Variants in RBFOX1 observed in about 807,000 individuals in gnomAD.
RBFOX1 encodes the protein RNA binding protein fox-1 homolog 1.
Under a neutral mutation model 57.7 loss-of-function variants are expected in RBFOX1, and 8 were observed. The ratio of observed to expected loss-of-function variants is 0.14; its 90% CI spans 0.08 to 0.25. RBFOX1 has a LOEUF of 0.25. Among genes scored for constraint, RBFOX1 ranks in the 10% least tolerant of loss-of-function variants. The pLI, the probability that RBFOX1 is intolerant of heterozygous loss-of-function variation, is 1.00. For missense variants in RBFOX1, 611 were observed against 548.5 expected (o/e 1.11, Z -1.14); for synonymous variants, 326 against 222.4 (o/e 1.47, Z -4.15).
At chr16:6,047,685 C>T (rs2095509736) in intron 1 of RBFOX1, among the ~76,000 whole-genome samples, 1 of 152,140 alleles carries the variant, frequency 6.6e-6, no homozygotes, top group Non-Finnish European at 1.5e-5. Flanking sequence ...TGATACGGAG[C>T]AGGGGATGCT....
At chr16:6,005,358 A>T (rs1010610110) in intron 4 of RBFOX1, among the ~76,000 whole-genome samples, 3 of 152,196 alleles carry the variant, frequency 2.0e-5, no homozygotes, top group African/African-American at 7.2e-5. Flanking sequence ...CATTCTGCCA[A>T]TGTTTGTTGA....
At chr16:7,304,669 G>A (rs1273720733) in intron 4 of RBFOX1, among the ~76,000 whole-genome samples, 1 of 152,136 alleles carries the variant, frequency 6.6e-6, no homozygotes, top group Non-Finnish European at 1.5e-5. Context: ...GCGCTGAGAT[G>A]TTTCTGCACC....
chr16:5,471,189 C>G (rs1183150346), intron 2 of RBFOX1, among the ~76,000 whole-genome samples: 1 of 152,138 alleles, frequency 6.6e-6, no homozygotes, highest in Non-Finnish European at 1.5e-5. Flanking sequence ...ATCCACACAG[C>G]CCCCAGAGCA....
At chr16:7,192,663 C>T (rs2152649323) in intron 4 of RBFOX1, among the ~76,000 whole-genome samples, 1 of 152,232 alleles carries the variant, frequency 6.6e-6, no homozygotes, top group African/African-American at 2.4e-5. Flanking sequence ...GTTTCGACGT[C>T]AATTTCCTGG....
At chr16:6,994,511 G>T (rs1053821370) in intron 3 of RBFOX1, among the ~76,000 whole-genome samples, 1 of 152,118 alleles carries the variant, frequency 6.6e-6, no homozygotes, top group Non-Finnish European at 1.5e-5. Flanking sequence ...AACAACAAGT[G>T]ACCGATTTTC....
intron 4 of RBFOX1, among the ~76,000 whole-genome samples, chr16:7,426,929 C>T (rs1386414804): frequency 6.6e-6 from 1 of 152,174 alleles, no homozygotes; most frequent in Non-Finnish European, 1.5e-5. Context: ...GAATACTATG[C>T]AGCCATAAAA....
At chr16:5,902,894 A>G (rs1246170635) in intron 4 of RBFOX1, among the ~76,000 whole-genome samples, 1 of 152,138 alleles carries the variant, frequency 6.6e-6, no homozygotes, top group African/African-American at 2.4e-5. Flanking sequence ...CTCTGCCCAC[A>G]TGGACACTTT....
chr16:7,084,075 T>C (rs751394058), intron 4 of RBFOX1, among the ~76,000 whole-genome samples: 11 of 152,116 alleles, frequency 7.2e-5, no homozygotes, highest in Non-Finnish European at 1.3e-4. Flanking sequence ...GGGCTTCTGA[T>C]CAAACGTCTG....
At position 7,029,069 on chromosome 16, in the gene RBFOX1, TATATATATATATACACACACAC is replaced by T. The variant is rs1222789757; in HGVS notation, c.-15-22986_-15-22965del. 2.3e-4 allele frequency among the ~76,000 whole-genome samples: 13 copies of T among 55,602 alleles called. 1 individual carries two copies. The highest frequency in any genetic ancestry group is 1.4e-3 in the African/African-American group (10 of 7,090). 36.5% of individuals were successfully genotyped at this position (55,602 alleles called of 152,430 possible). The stretch of plus-strand genomic sequence containing the variant: ...AGCTATATATATATATATATATATA[TATATATATATATACACACACAC>T]ACACACACACACACACACACACACA... On this transcript the variant is annotated intron_variant, in intron 3 of 15. Coordinates refer to ENST00000550418, the MANE Select transcript of RBFOX1 (RefSeq NM_018723.4).
chr16:7,518,056 G>A (rs1017362371), intron 4 of RBFOX1, 91 bp from the exon 5 acceptor site: 1 of 1,483,218 alleles, frequency 6.7e-7, no homozygotes, highest in Non-Finnish European at 9.1e-7. Flanking sequence ...AAGTACGCGG[G>A]GCACGATCGT....
intron 4 of RBFOX1, among the ~76,000 whole-genome samples, chr16:5,985,564 C>A (rs986464578): frequency 6.6e-6 from 1 of 152,162 alleles, no homozygotes; most frequent in African/African-American, 2.4e-5. Flanking sequence ...GGTTCAAACC[C>A]AGGCAGCCAG....
At chr16:6,461,784 C>T (rs909465045) in intron 2 of RBFOX1, among the ~76,000 whole-genome samples, 1 of 151,976 alleles carries the variant, frequency 6.6e-6, no homozygotes, top group Non-Finnish European at 1.5e-5. Context: ...TTTAAGCTAT[C>T]TTTGTGCTTA....
At chr16:6,669,490 A>G (rs2098751379) in intron 3 of RBFOX1, among the ~76,000 whole-genome samples, 1 of 152,082 alleles carries the variant, frequency 6.6e-6, no homozygotes, top group Admixed American at 6.5e-5. Flanking sequence ...TTTTTTCCAG[A>G]GTGATTGCAG....
intron 4 of RBFOX1, among the ~76,000 whole-genome samples, chr16:5,954,624 C>A (rs1229016633): frequency 1.3e-5 from 2 of 152,086 alleles, no homozygotes; most frequent in Non-Finnish European, 2.9e-5. Context: ...TTTTTCAGCT[C>A]TGGAAACTGT....
intron 1 of RBFOX1, among the ~76,000 whole-genome samples, chr16:6,148,877 A>G (rs1222332677): frequency 6.6e-6 from 1 of 152,152 alleles, no homozygotes; most frequent in East Asian, 1.9e-4. Flanking sequence ...ATCAGGTTTT[A>G]GTATTTCCAC....
At chr16:6,391,062 C>T (rs2092576523) in intron 2 of RBFOX1, among the ~76,000 whole-genome samples, 1 of 152,146 alleles carries the variant, frequency 6.6e-6, no homozygotes, top group Non-Finnish European at 1.5e-5. Context: ...CCAGTTGTGA[C>T]AATAAAAATG....
At chr16:6,533,667 G>A (rs1382274161) in intron 2 of RBFOX1, among the ~76,000 whole-genome samples, 1 of 152,052 alleles carries the variant, frequency 6.6e-6, no homozygotes, top group Admixed American at 6.6e-5. Flanking sequence ...TGGACCTACT[G>A]GATGCTGGAA....
intron 4 of RBFOX1, among the ~76,000 whole-genome samples, chr16:7,269,863 C>T (rs1189795669): frequency 3.3e-5 from 5 of 152,210 alleles, no homozygotes; most frequent in African/African-American, 1.2e-4. Flanking sequence ...TGTGCCCCTG[C>T]ACATCCCATA....
intron 11 of RBFOX1, among the ~76,000 whole-genome samples, chr16:7,636,515 G>T (rs1187694772): frequency 6.6e-6 from 1 of 152,208 alleles, no homozygotes; most frequent in Non-Finnish European, 1.5e-5. Flanking sequence ...TTTGACGATT[G>T]ATGTTGCTCA....
Sources: gnomAD v4.1 joint callset for allele counts (sites outside exome capture counted in the v4.1 genomes callset) on GRCh38, gnomAD v4.1.1 for gene constraint, MANE v1.5 for transcripts, NCBI Gene and HGNC (gene_info 2026-07-23, HGNC 2026-07-21) for gene names.